The following KDM5A variants were observed in gnomAD, a reference collection of about 807,000 sequenced individuals.
KDM5A encodes the protein lysine demethylase 5A.
Under a neutral mutation model 193.5 loss-of-function variants are expected in KDM5A, and 42 were observed. The ratio of observed to expected loss-of-function variants is 0.22; its 90% confidence interval spans 0.17 to 0.28. The LOEUF is 0.28. Among genes scored for constraint, KDM5A ranks in the 10% least tolerant of loss-of-function variants. The probability of loss-of-function intolerance (pLI) is 1.00; values close to 1 mark genes in which losing one functional copy is unlikely to be tolerated. For missense variants in KDM5A, 1,692 were observed against 2,055.1 expected, an observed-to-expected ratio of 0.82 and a Z score of 3.42; for synonymous variants, 796 against 718.1, an observed-to-expected ratio of 1.11 and a Z score of -1.73.
chr12:367,462 A>G (rs894092694), intron 3 of KDM5A, among the ~76,000 whole-genome samples: 1 of 152,172 alleles, frequency 6.6e-6, no homozygotes, highest in African/African-American at 2.4e-5. Flanking sequence ...TTTGGGAGGC[A>G]GAGCTGGGCA....
intron 27 of KDM5A, among the ~76,000 whole-genome samples, chr12:289,576 A>G (rs479836): frequency 0.29 from 44,601 of 151,486 alleles, 6,734 homozygotes; most frequent in East Asian, 0.5. Flanking sequence ...AGAGGTGGGC[A>G]TAGTGGTGTG....
intron 19 of KDM5A, 134 bp downstream of exon 19, chr12:317,972 G>C: frequency 1.4e-6 from 1 of 689,790 alleles, no homozygotes; most frequent in Admixed American, 2.5e-5. Context: ...CTTAACTAAT[G>C]CTACTTATAC....
chr12:323,899 A>T (rs1448768380), intron 14 of KDM5A, 118 bp from the exon 15 acceptor site: 4 of 808,046 alleles, frequency 5.0e-6, no homozygotes, highest in Non-Finnish European at 8.6e-6. Flanking sequence ...TAAACATGAA[A>T]GGTACAATGG....
At chr12:384,398 C>T (rs1301543648) in intron 2 of KDM5A, among the ~76,000 whole-genome samples, 2 of 152,150 alleles carry the variant, frequency 1.3e-5, no homozygotes, top group African/African-American at 2.4e-5. Flanking sequence ...CTAAGTAATG[C>T]TTGATGATCT....
Position 389,142 on chromosome 12 carries a change from A to AGCTG in KDM5A, c.-55_-52dup. 6.5e-7 allele frequency: 1 copy of AGCTG among 1,546,468 alleles called. No individual in the cohort carries two copies. Among genetic ancestry groups the AGCTG allele is most frequent in the East Asian group, 2.2e-5 (1 of 44,488 alleles). ...TCCCCGTGGGGAACCGGTGGAGAAA[A>AGCTG]GCTGGCTGAAGCCCACTAAGCCCGT... On this transcript the variant is annotated 5_prime_UTR_variant, in exon 1 of 28. Coordinates refer to ENST00000399788, the MANE Select transcript of KDM5A (RefSeq NM_001042603.3).
At position 313,098 on chromosome 12, in the gene KDM5A, T is replaced by C. The variant is rs1943609540; in HGVS notation, c.2994A>G (p.Leu998=). The part of the protein sequence containing the change: ...LPNVLSLKEA[L]QKAREWTAKV... Reference sequence around the variant, plus strand: ...TAGCGGTCCATTCTCGAGCCTTTTGTAAGGCTTCTTTCAAGGACAACACAT... The same window carrying C: ...TAGCGGTCCATTCTCGAGCCTTTTGCAAGGCTTCTTTCAAGGACAACACAT... The change falls in exon 20 of 28, where the codon TTA becomes TTG. Residue 998 remains leucine, a synonymous_variant. Coordinates refer to ENST00000399788, the MANE Select transcript of KDM5A (RefSeq NM_001042603.3). 1.2e-6 allele frequency: 2 copies of C among 1,614,008 alleles called. No individual in the cohort carries two copies. Among genetic ancestry groups the C allele is most frequent in the South Asian group, 1.1e-5 (1 of 91,086 alleles).
At chr12:341,209 C>T (rs752596210) in intron 10 of KDM5A, among the ~76,000 whole-genome samples, 4 of 152,078 alleles carry the variant, frequency 2.6e-5, no homozygotes, top group Non-Finnish European at 5.9e-5. Context: ...GAGATCACTA[C>T]CTTCCATTTG....
At chr12:371,312 C>T (rs985289014) in intron 3 of KDM5A, among the ~76,000 whole-genome samples, 5 of 152,220 alleles carry the variant, frequency 3.3e-5, no homozygotes, top group African/African-American at 1.2e-4. Context: ...ACCACTCTAA[C>T]TGGAGTGAGA....
rs1392046539 is a variant in KDM5A, at chr12:307,553, A to C, written c.3831T>G (p.Ser1277=). 1 of 1,613,972 alleles carries C rather than the reference A, an allele frequency of 6.2e-7. No individual in the cohort carries two copies. The highest frequency in any genetic ancestry group is 1.3e-5 in the African/African-American group (1 of 74,888). The change falls in exon 23 of 28, where the codon TCT becomes TCG. Residue 1277 remains serine, a synonymous_variant. Transcript: ENST00000399788. The surrounding 1 kb of genome is among the most constrained non-coding windows in gnomAD (Gnocchi z 4.3). ...DELSSALAKL[S]VLSQRMVEQA... ...GTTCCACCATACGCTGGCTCAACACAGATAGTTTGGCCAGGGCAGAGGATA... is the reference window on the plus strand; with the variant it reads ...GTTCCACCATACGCTGGCTCAACACCGATAGTTTGGCCAGGGCAGAGGATA...
intron 10 of KDM5A, among the ~76,000 whole-genome samples, chr12:346,623 G>A (rs567747165): frequency 3.9e-4 from 60 of 152,148 alleles, no homozygotes; most frequent in African/African-American, 1.2e-3. Context: ...TACTCAAATC[G>A]ATAAACGTAA....
At chr12:335,447 G>A (rs1232412424) in intron 10 of KDM5A, among the ~76,000 whole-genome samples, 1 of 152,106 alleles carries the variant, frequency 6.6e-6, no homozygotes, top group African/African-American at 2.4e-5. Context: ...GTTTTCCAGG[G>A]GAAAGATGGT....
chr12:355,193 T>C lies in KDM5A; in HGVS notation c.835A>G (p.Met279Val), dbSNP rs765842846. ...TNRSDAFNMQ[M>V]RQRKGTLSVN... The stretch of plus-strand genomic sequence containing the variant: ...GAGAGAGTGCCTTTCCGTTGTCTCA[T>C]TTGCATGTTAAATGCGTCTGACCTG... Residue 279 changes from methionine (M) to valine (V), a missense_variant, in exon 7 of 28, where the codon ATG (methionine) becomes GTG (valine). Met to Val is a conservative substitution (Grantham distance 21, BLOSUM62 1). Coordinates refer to ENST00000399788, the MANE Select transcript of KDM5A (RefSeq NM_001042603.3). The C allele has an allele frequency of 8.7e-6, 14 of 1,612,704 alleles. No homozygotes were observed. Among genetic ancestry groups the C allele is most frequent in the Non-Finnish European group, 1.2e-5 (14 of 1,178,694 alleles).
Position 388,998 on chromosome 12 carries a change from G to C in KDM5A, c.94C>G (p.Pro32Ala), listed in dbSNP as rs2137507835. ...FEPSWEEFTD[P>A]LSFIGRIRPL... is the part of the protein sequence containing the mutation. Reference sequence around the variant, plus strand: ...CGGATGCGGCCGATAAAGCTGAGCGGATCTGTGAACTCCTCCCAACTCGGC... The same window carrying C: ...CGGATGCGGCCGATAAAGCTGAGCGCATCTGTGAACTCCTCCCAACTCGGC... The change falls in exon 1 of 28, where the codon CCG (proline) becomes GCG (alanine). Residue 32 changes from proline to alanine, a missense_variant. Around this residue, in one of 11 missense-constraint regions of KDM5A, gnomAD observed 84 missense variants for 68.2 expected, o/e 1.23. Transcript: ENST00000399788. The C allele has an allele frequency of 6.2e-7, 1 of 1,614,064 alleles. No homozygotes were observed. The highest frequency in any genetic ancestry group is 1.3e-5 in the African/African-American group (1 of 75,042).
chr12:357,953 A>AT (rs1358466987), intron 5 of KDM5A, among the ~76,000 whole-genome samples: 1 of 151,524 alleles, frequency 6.6e-6, no homozygotes, highest in South Asian at 2.1e-4. Context: ...CTGGGAGGAA[A>AT]TTTATCACCC....
intron 22 of KDM5A, among the ~76,000 whole-genome samples, chr12:309,187 G>A (rs959474014): frequency 1.3e-5 from 2 of 152,106 alleles, no homozygotes; most frequent in Non-Finnish European, 2.9e-5. Flanking sequence ...ACATCTTTAC[G>A]TTCAGTGTAG....
At chr12:340,601 A>G (rs189784116) in intron 10 of KDM5A, among the ~76,000 whole-genome samples, 2 of 151,210 alleles carry the variant, frequency 1.3e-5, no homozygotes, top group Non-Finnish European at 2.9e-5. Context: ...AGGCTGATGC[A>G]AAAGAATCAC....
chr12:309,723 A>ATTAT, intron 22 of KDM5A, 80 bp downstream of exon 22: 1 of 1,460,148 alleles, frequency 6.8e-7, no homozygotes, highest in Non-Finnish European at 9.6e-7. Flanking sequence ...AGTTAAAAAC[A>ATTAT]TAAAAACTGT....
intron 26 of KDM5A, 68 bp downstream of exon 26, chr12:295,505 A>T: frequency 2.1e-6 from 3 of 1,443,618 alleles, no homozygotes; most frequent in Non-Finnish European, 2.9e-6. Context: ...GCCAACATTT[A>T]TGATACCTCT....
chr12:361,189 C>A (rs983489117), intron 5 of KDM5A, among the ~76,000 whole-genome samples: 3 of 150,654 alleles, frequency 2.0e-5, no homozygotes, highest in African/African-American at 2.5e-5. Context: ...CCATGCAGCA[C>A]CCCCCTCCAT....
Sources: allele counts gnomAD v4.1 joint callset (sites outside exome capture counted in the v4.1 genomes callset), GRCh38; gene constraint gnomAD v4.1.1; regional missense constraint gnomAD v4.1.1; non-coding constraint Gnocchi (gnomAD v3.1); transcripts MANE v1.5; gene names NCBI Gene and HGNC (gene_info 2026-07-23, HGNC 2026-07-21).